Variants in PNPT1 observed in about 807,000 individuals in gnomAD.
PNPT1 encodes polyribonucleotide nucleotidyltransferase 1, also known as polyribonucleotide nucleotidyltransferase 1, mitochondrial.
In PNPT1, 53 loss-of-function variants were observed where a neutral mutation model predicts 119.5. The observed-to-expected ratio is 0.44, with a 90% CI of 0.36 to 0.56. PNPT1 has a LOEUF of 0.56. PNPT1 is among the 20% of genes least tolerant of loss of function. The pLI, the probability that PNPT1 is intolerant of heterozygous loss-of-function variation, is 0.00. For synonymous variants in PNPT1, 357 were observed against 322.1 expected (o/e 1.11, Z -1.16); for missense variants, 948 against 938.5 (o/e 1.01, Z -0.13).
At chr2:55,683,865 G>A (rs201400849) in intron 4 of PNPT1, 31 bp from the exon 5 acceptor site, 21 of 1,604,442 alleles carry the variant, frequency 1.3e-5, no homozygotes, top group Middle Eastern at 1.7e-4. Context: ...ACATTAAACC[G>A]TACTGACAGA....
At chr2:55,651,268 G>C in intron 18 of PNPT1, among the ~76,000 whole-genome samples, 1 of 152,156 alleles carries the variant, frequency 6.6e-6, no homozygotes, top group African/African-American at 2.4e-5. Flanking sequence ...CCCCGTCTGG[G>C]AGGTGTGCCC....
intron 26 of PNPT1, among the ~76,000 whole-genome samples, chr2:55,639,298 A>T (rs1468206242): frequency 6.6e-6 from 1 of 152,196 alleles, no homozygotes; most frequent in Non-Finnish European, 1.5e-5. Flanking sequence ...GTGAAAAAAA[A>T]TAAGTTGCAG....
chr2:55,639,255 C>T (rs1273002957), intron 26 of PNPT1, among the ~76,000 whole-genome samples: 1 of 152,102 alleles, frequency 6.6e-6, no homozygotes, highest in Non-Finnish European at 1.5e-5. Flanking sequence ...CTTTCAACTT[C>T]TTTGTACATT....
In PNPT1 at chr2:55,645,379, CTCGAGGTT is replaced by C; in HGVS notation, c.1784_1791del (p.Lys595SerfsTer3). The C allele has an allele frequency of 6.2e-7, 1 of 1,612,436 alleles. No homozygotes were observed. Among genetic ancestry groups the C allele is most frequent in the Non-Finnish European group, 8.5e-7 (1 of 1,178,732 alleles). On this transcript the variant is annotated frameshift_variant, in exon 22 of 28. Coordinates refer to ENST00000447944, the MANE Select transcript of PNPT1 (RefSeq NM_033109.5). LOFTEE classifies it high-confidence loss of function. ...ACAGGTCCATTTTCTTTTCTAGATGCTCGAGGTTTTGAAATAGTTTTGTTCATGATCTG... is the reference window on the plus strand; with the variant it reads ...ACAGGTCCATTTTCTTTTCTAGATGCTTGAAATAGTTTTGTTCATGATCTG...
intron 14 of PNPT1, among the ~76,000 whole-genome samples, chr2:55,661,244 C>G (rs1409605846): frequency 1.3e-5 from 2 of 151,850 alleles, no homozygotes; most frequent in East Asian, 3.9e-4. Flanking sequence ...AGGTGCCCAC[C>G]ATCACGCCCA....
rs575861430 is a variant in PNPT1, at chr2:55,693,202, G to C, written c.161+461C>G. Among the ~76,000 whole-genome samples the C allele has an allele frequency of 2.6e-5, 4 of 152,342 alleles. No homozygotes were observed. In the East Asian group the frequency reaches 7.7e-4, roughly 29 times the overall value. ...AGAGGAGGCTGAAGGAGCCCGAGGA[G>C]TGGGACGTGGGGGACCCGTGGTGCA... On this transcript the variant is annotated intron_variant, in intron 1 of 27. Transcript: ENST00000447944.
intron 25 of PNPT1, among the ~76,000 whole-genome samples, chr2:55,641,203 A>T (rs977167763): frequency 6.6e-6 from 1 of 152,154 alleles, no homozygotes; most frequent in Non-Finnish European, 1.5e-5. Flanking sequence ...CAACCTGGCA[A>T]CAGAGTGAGA....
At chr2:55,685,080 T>C in intron 3 of PNPT1, 32 bp from the exon 4 acceptor site, 2 of 1,520,036 alleles carry the variant, frequency 1.3e-6, no homozygotes, top group Non-Finnish European at 1.8e-6. Flanking sequence ...GTTCATATAA[T>C]TCTTTTTGCA....
intron 18 of PNPT1, among the ~76,000 whole-genome samples, chr2:55,651,186 T>C (rs1257094715): frequency 6.7e-6 from 1 of 149,462 alleles, no homozygotes; most frequent in Non-Finnish European, 1.5e-5. Context: ...AGCCGCCCCG[T>C]CTGGGAGGTG....
chr2:55,645,838 C>CT lies in PNPT1; in HGVS notation c.1739-407dup, dbSNP rs373760696. On this transcript the variant is annotated intron_variant, in intron 21 of 27. Coordinates refer to ENST00000447944, the MANE Select transcript of PNPT1 (RefSeq NM_033109.5). ...TGCCATGCCTGGCTACTTAGTACTT[C>CT]TTTTTTTTTGAGACATTTTCCCTCT... Among the ~76,000 whole-genome samples, 247 of 48,874 alleles carry CT rather than the reference C, an allele frequency of 5.1e-3. 1 individual carries two copies. Among genetic ancestry groups the CT allele is most frequent in the African/African-American group, 0.013 (236 of 18,768 alleles). 32.1% of individuals were successfully genotyped at this position (48,874 alleles called of 152,430 possible). A position where few individuals can be genotyped will look rare whatever the true frequency, so the allele number is the denominator to read the frequency against.
intron 13 of PNPT1, 87 bp from the exon 14 acceptor site, chr2:55,662,113 T>TA: frequency 1.7e-6 from 2 of 1,150,992 alleles, no homozygotes; most frequent in African/African-American, 1.6e-5. Context: ...AACTAACTCT[T>TA]AAAAAAATGA....
intron 5 of PNPT1, among the ~76,000 whole-genome samples, chr2:55,683,165 C>T (rs1302379680): frequency 6.6e-6 from 1 of 152,150 alleles, no homozygotes; most frequent in African/African-American, 2.4e-5. Flanking sequence ...TTGGTCTCCA[C>T]TCACTGTAGT....
At chr2:55,648,734 T>C (rs913431608) in intron 18 of PNPT1, among the ~76,000 whole-genome samples, 2 of 152,130 alleles carry the variant, frequency 1.3e-5, no homozygotes, top group Non-Finnish European at 1.5e-5. Context: ...AGATAAAATA[T>C]TATGTTTAAT....
In PNPT1 at chr2:55,679,788, T is replaced by C; in HGVS notation, c.573A>G (p.Val191=). Residue 191 remains valine (V), a synonymous_variant, in exon 8 of 28, where the codon GTA becomes GTG. Transcript: ENST00000447944. ...DIPWNGPVGA[V]RIGIIDGEYV... ...ATTCTCCATCAATTATTCCTATTCG[T>C]ACTGCCCCTAAAATGTATTAGAATA... The C allele has an allele frequency of 6.3e-7, 1 of 1,599,690 alleles. No individual in the cohort carries two copies. The highest frequency in any genetic ancestry group is 2.2e-5 in the East Asian group (1 of 44,550).
intron 13 of PNPT1, among the ~76,000 whole-genome samples, chr2:55,662,925 G>A (rs999125294): frequency 2.7e-5 from 4 of 149,954 alleles, no homozygotes; most frequent in Admixed American, 6.7e-5. Context: ...CTGTCACCCA[G>A]GCTGGAGTAC....
intron 8 of PNPT1, among the ~76,000 whole-genome samples, chr2:55,676,759 G>C (rs1465735438): frequency 1.3e-5 from 2 of 151,986 alleles, no homozygotes; most frequent in Non-Finnish European, 2.9e-5. Context: ...CTACTCAGGA[G>C]GCTGAGTCAA....
chr2:55,650,936 G>C (rs1194501534), intron 18 of PNPT1, among the ~76,000 whole-genome samples: 3 of 150,134 alleles, frequency 2.0e-5, no homozygotes, highest in African/African-American at 4.9e-5. Flanking sequence ...CCCCGTCCGG[G>C]AGGGAGGTGG....
At chr2:55,693,196 C>G (rs1006629231) in intron 1 of PNPT1, among the ~76,000 whole-genome samples, 1 of 152,134 alleles carries the variant, frequency 6.6e-6, no homozygotes, top group Non-Finnish European at 1.5e-5. Flanking sequence ...TGAAGGAGCC[C>G]GAGGAGTGGG....
chr2:55,653,254 T>C (rs952753915), intron 18 of PNPT1, among the ~76,000 whole-genome samples: 8 of 152,224 alleles, frequency 5.3e-5, no homozygotes, highest in Admixed American at 5.2e-4. Context: ...GAAAATACTT[T>C]TCTTCTCTTC....
Sources: allele counts gnomAD v4.1 joint callset (sites outside exome capture counted in the v4.1 genomes callset), GRCh38; gene constraint gnomAD v4.1.1; transcripts MANE v1.5; gene names NCBI Gene and HGNC (gene_info 2026-07-23, HGNC 2026-07-21).